The following TLN2 variants were observed in gnomAD, a reference collection of about 807,000 sequenced individuals.
The protein encoded by TLN2 is talin-2.
Under a neutral mutation model 294.7 loss-of-function variants are expected in TLN2, and 118 were observed. The observed-to-expected ratio is 0.40, with a 90% confidence interval of 0.34 to 0.47. The LOEUF is 0.47. TLN2 is among the 20% of genes least tolerant of loss of function. The pLI is 0.84. For missense variants in TLN2, 3,083 were observed against 3,282.2 expected (o/e 0.94, Z 1.48); for synonymous variants, 1,431 against 1,304.5 (o/e 1.10, Z -2.09).
intron 42 of TLN2, among the ~76,000 whole-genome samples, chr15:62,775,741 G>C (rs1304790575): frequency 6.6e-6 from 1 of 152,196 alleles, no homozygotes; most frequent in African/African-American, 2.4e-5. Context: ...TTTTGAAAGG[G>C]TCTACTTCCC....
rs750550837 is a variant in TLN2 at position 62,752,467 on chromosome 15, A to G, written c.4332+40A>G. On this transcript the variant is annotated intron_variant, in intron 35 of 58. Coordinates refer to ENST00000636159, the MANE Select transcript of TLN2 (RefSeq NM_015059.3). ...CCGATGCAGCCATGTGCCCTGTGCC[A>G]GATCCCTGTGGGAGGTGTGGGGGAA... is the stretch of plus-strand genomic sequence containing the variant. The G allele has an allele frequency of 8.7e-6, 14 of 1,607,222 alleles. No individual in the cohort carries two copies. In the South Asian group the frequency reaches 1.3e-4, roughly 15 times the overall value.
chr15:62,821,059 G>A (rs1174599022), intron 54 of TLN2, among the ~76,000 whole-genome samples: 1 of 152,222 alleles, frequency 6.6e-6, no homozygotes, highest in East Asian at 1.9e-4. Context: ...ATATGCTGGA[G>A]AGGATGGGTA....
chr15:62,742,587 G>T (rs1445223103), intron 32 of TLN2, among the ~76,000 whole-genome samples: 1 of 152,086 alleles, frequency 6.6e-6, no homozygotes, highest in African/African-American at 2.4e-5. Flanking sequence ...ATAGGTGCAG[G>T]CCCCCTGGTG....
chr15:62,833,376 C>T (rs1174812127), intron 54 of TLN2, 128 bp from the exon 55 acceptor site: 1 of 1,336,670 alleles, frequency 7.5e-7, no homozygotes, highest in African/African-American at 1.5e-5. Flanking sequence ...CATCCCATTT[C>T]AGGTGTGGTT....
At chr15:62,414,338 T>C (rs1488360122) in intron 1 of TLN2, among the ~76,000 whole-genome samples, 2 of 137,046 alleles carry the variant, frequency 1.5e-5, no homozygotes, top group African/African-American at 5.2e-5. Flanking sequence ...GGGATTGTGT[T>C]TGAGAACCAG....
chr15:62,535,467 T>TACACAC (rs35591215), intron 1 of TLN2, among the ~76,000 whole-genome samples: 225 of 148,992 alleles, frequency 1.5e-3, no homozygotes, highest in South Asian at 0.011. Flanking sequence ...TGTCTGTGTG[T>TACACAC]ACACACACAC....
intron 1 of TLN2, among the ~76,000 whole-genome samples, chr15:62,543,827 T>A (rs1029941194): frequency 1.3e-5 from 2 of 151,440 alleles, no homozygotes; most frequent in Non-Finnish European, 2.9e-5. Context: ...ATGAATGAAA[T>A]AATCACACAA....
chr15:62,757,179 C>A (rs1224195013), intron 37 of TLN2, among the ~76,000 whole-genome samples: 1 of 152,236 alleles, frequency 6.6e-6, no homozygotes, highest in Non-Finnish European at 1.5e-5. Flanking sequence ...AGTAACTTTA[C>A]CAAGGTGACC....
At chr15:62,450,121 T>C (rs952450496) in intron 1 of TLN2, among the ~76,000 whole-genome samples, 1 of 152,198 alleles carries the variant, frequency 6.6e-6, no homozygotes, top group Non-Finnish European at 1.5e-5. Context: ...TTCCAGGCTC[T>C]CTCAGCTTCC....
At chr15:62,435,696 C>A (rs951909355) in intron 1 of TLN2, among the ~76,000 whole-genome samples, 57 of 152,244 alleles carry the variant, frequency 3.7e-4, no homozygotes, top group African/African-American at 1.3e-3. Context: ...CGCCTACCAC[C>A]TTGCCTGGCT....
At chr15:62,401,278 C>T (rs896179478) in intron 1 of TLN2, among the ~76,000 whole-genome samples, 1 of 151,890 alleles carries the variant, frequency 6.6e-6, no homozygotes, top group African/African-American at 2.4e-5. Flanking sequence ...TTTTCAGCCA[C>T]TTAGTTTTAA....
At chr15:62,772,663 AT>A (rs1157258526) in intron 42 of TLN2, among the ~76,000 whole-genome samples, 24 of 76,446 alleles carry the variant, frequency 3.1e-4, no homozygotes, top group East Asian at 1.8e-3. Flanking sequence ...GGATTTATTT[AT>A]TTATTTTTTT....
At chr15:62,743,163 A>T (rs1339933256) in intron 32 of TLN2, among the ~76,000 whole-genome samples, 2 of 152,168 alleles carry the variant, frequency 1.3e-5, no homozygotes, top group Non-Finnish European at 2.9e-5. Context: ...GTGCACAGGA[A>T]GCTGGGCAGA....
chr15:62,726,251 A>G (rs930573453), intron 27 of TLN2, among the ~76,000 whole-genome samples: 2 of 152,242 alleles, frequency 1.3e-5, no homozygotes, highest in Non-Finnish European at 1.5e-5. Context: ...ATTGTGTTGT[A>G]ACATATTGTT....
At chr15:62,563,269 ATT>A (rs1366009239) in intron 1 of TLN2, among the ~76,000 whole-genome samples, 1 of 151,822 alleles carries the variant, frequency 6.6e-6, no homozygotes, top group African/African-American at 2.4e-5. Flanking sequence ...TATGTTTTTT[ATT>A]TTTTGATTAT....
At chr15:62,466,173 C>T (rs915280389) in intron 1 of TLN2, among the ~76,000 whole-genome samples, 4 of 152,192 alleles carry the variant, frequency 2.6e-5, no homozygotes, top group African/African-American at 9.7e-5. Context: ...TGGTTGAACT[C>T]AGTCTAGGGG....
intron 3 of TLN2, among the ~76,000 whole-genome samples, chr15:62,629,291 A>C (rs1189781546): frequency 6.6e-6 from 1 of 152,216 alleles, no homozygotes; most frequent in Non-Finnish European, 1.5e-5. Context: ...GGATGGAGTA[A>C]ATGAGATAAA....
chr15:62,631,473 TTCC>T (rs1169973881), intron 3 of TLN2, among the ~76,000 whole-genome samples: 3 of 151,710 alleles, frequency 2.0e-5, no homozygotes, highest in Admixed American at 1.3e-4. Flanking sequence ...TCTCTCTCTC[TTCC>T]TCTTTTCTTT....
chr15:62,519,413 G>A (rs1413208219), intron 1 of TLN2, among the ~76,000 whole-genome samples: 1 of 152,090 alleles, frequency 6.6e-6, no homozygotes. Flanking sequence ...GCTTATCCCT[G>A]GTGGCTCATA....
Sources: gnomAD v4.1 joint callset for allele counts (sites outside exome capture counted in the v4.1 genomes callset) on GRCh38, gnomAD v4.1.1 for gene constraint, MANE v1.5 for transcripts, NCBI Gene and HGNC (gene_info 2026-07-23, HGNC 2026-07-21) for gene names.